Variants in CEP85L observed in about 807,000 individuals in gnomAD.
CEP85L encodes the protein centrosomal protein 85L.
In CEP85L, 60 loss-of-function variants were observed where a neutral mutation model predicts 100.3. The observed-to-expected ratio is 0.60, with a 90% CI of 0.49 to 0.74. The LOEUF is 0.74. CEP85L is among the 30% of genes least tolerant of loss of function. The pLI is 0.00. For missense variants in CEP85L, 973 were observed against 936.2 expected, an observed-to-expected ratio of 1.04 and a Z score of -0.51; for synonymous variants, 319 against 322.7, an observed-to-expected ratio of 0.99 and a Z score of 0.12.
intron 1 of CEP85L, among the ~76,000 whole-genome samples, chr6:118,646,568 C>G (rs925779710): frequency 1.3e-5 from 2 of 151,880 alleles, no homozygotes; most frequent in African/African-American, 4.8e-5. Flanking sequence ...ACTCGGGAGG[C>G]TGAGGTAGGA....
intron 1 of CEP85L, among the ~76,000 whole-genome samples, chr6:118,704,617 C>T (rs1777533412): frequency 6.6e-6 from 1 of 152,118 alleles, no homozygotes. Context: ...ATTGCAGGCA[C>T]CCGCCACCAT....
intron 3 of CEP85L, among the ~76,000 whole-genome samples, chr6:118,534,259 TA>T (rs1475840548): frequency 6.6e-6 from 1 of 152,110 alleles, no homozygotes; most frequent in Non-Finnish European, 1.5e-5. Context: ...AAAGGGCAAT[TA>T]AAAATGTATT....
chr6:118,496,330 T>C (rs1004269835), intron 5 of CEP85L, among the ~76,000 whole-genome samples: 1 of 144,016 alleles, frequency 6.9e-6, no homozygotes, highest in African/African-American at 2.5e-5. Context: ...ACAGAAGTGA[T>C]TGCTTTGTGT....
At chr6:118,605,954 C>T (rs532409619) in intron 2 of CEP85L, among the ~76,000 whole-genome samples, 19 of 143,430 alleles carry the variant, frequency 1.3e-4, no homozygotes, top group African/African-American at 3.1e-4. Flanking sequence ...GCAGAGGTTG[C>T]GGTGAGCCAA....
chr6:118,554,522 T>C (rs12153955), intron 3 of CEP85L, among the ~76,000 whole-genome samples: 17,221 of 152,210 alleles, frequency 0.11, 1,251 homozygotes, highest in African/African-American at 0.2. Context: ...TAGTGATTTA[T>C]TGAAGCATAC....
At chr6:118,537,939 T>A in intron 3 of CEP85L, 1 of 963,802 alleles carries the variant, frequency 1.0e-6, no homozygotes, top group Middle Eastern at 5.4e-4. Context: ...GTAAGAGTCA[T>A]ACCTTAACTA....
At chr6:118,543,964 A>C (rs569088225) in intron 3 of CEP85L, among the ~76,000 whole-genome samples, 1 of 152,212 alleles carries the variant, frequency 6.6e-6, no homozygotes, top group African/African-American at 2.4e-5. Context: ...GAACAAAGAC[A>C]TATTTCACAA....
In CEP85L at chr6:118,463,360, G is replaced by C. The variant is rs2114364067; in HGVS notation, c.*2045C>G. On this transcript the variant is annotated 3_prime_UTR_variant, in exon 13 of 13. Coordinates refer to ENST00000368491, the MANE Select transcript of CEP85L (RefSeq NM_001042475.3). ...CCAATTAGTGATTGTTTGCCAATTT[G>C]TTCTATTATTTTAGGAAGCCTTTAT... 6.6e-6 allele frequency: 1 copy of C among 152,040 alleles called. No individual in the cohort carries two copies. The highest frequency in any genetic ancestry group is 2.1e-4 in the South Asian group (1 of 4,832). The allele number at this position is 152,040 out of a possible 1,614,324, so 9.4% of individuals were successfully genotyped here.
intron 1 of CEP85L, among the ~76,000 whole-genome samples, chr6:118,702,952 C>T (rs1208541513): frequency 2.0e-5 from 3 of 148,094 alleles, no homozygotes; most frequent in South Asian, 2.1e-4. Flanking sequence ...GCCGAGATGG[C>T]TCCATTGCAC....
chr6:118,617,777 G>A (rs1041889414), intron 2 of CEP85L, among the ~76,000 whole-genome samples: 4 of 152,106 alleles, frequency 2.6e-5, no homozygotes, highest in African/African-American at 9.7e-5. Context: ...GCGTGGCTAG[G>A]CAAAGAACCT....
At chr6:118,516,149 T>C (rs931679885) in intron 4 of CEP85L, among the ~76,000 whole-genome samples, 1 of 152,228 alleles carries the variant, frequency 6.6e-6, no homozygotes, top group Non-Finnish European at 1.5e-5. Flanking sequence ...CCCAGTTGTA[T>C]CATTGATGGG....
At chr6:118,606,887 T>C (rs1436780397) in intron 2 of CEP85L, among the ~76,000 whole-genome samples, 1 of 152,126 alleles carries the variant, frequency 6.6e-6, no homozygotes, top group Non-Finnish European at 1.5e-5. Flanking sequence ...AACACTGATT[T>C]TTTTTTTTAA....
rs539011532 is a variant in CEP85L, at chr6:118,697,517, G to T, written c.-28+12519C>A. 2.0e-4 allele frequency among the ~76,000 whole-genome samples: 30 copies of T among 152,292 alleles called. No individual in the cohort carries two copies. The South Asian group carries it at 5.8e-3, about 29-fold the overall frequency. ...ACCTTCACTTTGGTGGGACTGAGTGGAACTGAGTAGCACTTCAGTAATCTA... is the reference window on the plus strand; with the variant it reads ...ACCTTCACTTTGGTGGGACTGAGTGTAACTGAGTAGCACTTCAGTAATCTA... On this transcript the variant is annotated intron_variant, in intron 1 of 13. Coordinates refer to the CEP85L transcript ENST00000368488.
intron 1 of CEP85L, among the ~76,000 whole-genome samples, chr6:118,684,407 G>A (rs1776764603): frequency 1.3e-5 from 2 of 152,140 alleles, no homozygotes; most frequent in South Asian, 2.1e-4. Flanking sequence ...TGAACTGGGA[G>A]GATGGCTTGA....
chr6:118,637,039 T>C (rs1173377821), intron 1 of CEP85L, among the ~76,000 whole-genome samples: 1 of 152,182 alleles, frequency 6.6e-6, no homozygotes, highest in Non-Finnish European at 1.5e-5. Flanking sequence ...AAAAGAACAA[T>C]AGTTGTAATC....
chr6:118,572,228 C>T (rs1261606958), intron 2 of CEP85L, among the ~76,000 whole-genome samples: 1 of 106,264 alleles, frequency 9.4e-6, no homozygotes, highest in Non-Finnish European at 1.8e-5. Flanking sequence ...TATCATGTTA[C>T]ATAGGAAAAA....
intron 2 of CEP85L, among the ~76,000 whole-genome samples, chr6:118,590,458 C>T (rs931289676): frequency 2.0e-5 from 3 of 152,166 alleles, no homozygotes; most frequent in Non-Finnish European, 4.4e-5. Context: ...GACACCACCA[C>T]ATATCCCCAT....
intron 6 of CEP85L, among the ~76,000 whole-genome samples, chr6:118,484,704 C>T (rs1019918336): frequency 6.6e-6 from 1 of 152,138 alleles, no homozygotes; most frequent in African/African-American, 2.4e-5. Context: ...TTTTGCATAA[C>T]TATACCCAAA....
intron 2 of CEP85L, among the ~76,000 whole-genome samples, chr6:118,599,798 T>A (rs959976002): frequency 6.6e-6 from 1 of 152,126 alleles, no homozygotes; most frequent in African/African-American, 2.4e-5. Flanking sequence ...ACAACCACAG[T>A]CTAATCATGA....
Sources: gnomAD v4.1 joint callset for allele counts (sites outside exome capture counted in the v4.1 genomes callset) on GRCh38, gnomAD v4.1.1 for gene constraint, MANE v1.5 for transcripts, NCBI Gene and HGNC (gene_info 2026-07-23, HGNC 2026-07-21) for gene names.